Variants in FARP1 observed in about 807,000 individuals in gnomAD.
FARP1 encodes the protein FERM, ARHGEF and pleckstrin domain-containing protein 1.
A neutral mutation model predicts 128.8 loss-of-function variants in FARP1; 52 were observed. The observed-to-expected ratio is 0.40, with a 90% confidence interval of 0.32 to 0.51. The LOEUF (loss-of-function observed/expected upper bound fraction) is 0.51. Ranked by LOEUF, FARP1 falls within the 20% of genes least tolerant of loss-of-function variation. The pLI is 0.45. For synonymous variants in FARP1, 580 were observed against 551.8 expected (o/e 1.05, Z -0.72); for missense variants, 1,333 against 1,367.9 (o/e 0.97, Z 0.40).
At chr13:98,188,432 G>T (rs1451946136) in intron 1 of FARP1, among the ~76,000 whole-genome samples, 1 of 152,070 alleles carries the variant, frequency 6.6e-6, no homozygotes, top group Non-Finnish European at 1.5e-5. Context: ...GTGGTGGTGT[G>T]TGCCTGTAAT....
chr13:98,226,554 A>G (rs8002043), intron 2 of FARP1, among the ~76,000 whole-genome samples: 40,842 of 151,734 alleles, frequency 0.27, 7,293 homozygotes, highest in East Asian at 0.76. Flanking sequence ...ATTTTAACAA[A>G]CCGTTTGAAA....
chr13:98,145,257 A>G (rs1422761237), intron 1 of FARP1, among the ~76,000 whole-genome samples: 2 of 152,124 alleles, frequency 1.3e-5, no homozygotes, highest in Admixed American at 6.6e-5. Flanking sequence ...GGCAGATTCT[A>G]TGGTGCACCA....
intron 1 of FARP1, 29 bp downstream of exon 1, chr13:98,143,521 C>A (rs1379662764): frequency 1.3e-5 from 2 of 149,948 alleles, no homozygotes; most frequent in Non-Finnish European, 3.0e-5. Flanking sequence ...ACAATGACCG[C>A]GGCGGGAGGG....
intron 17 of FARP1, chr13:98,425,469 A>C (rs1371942126): frequency 6.6e-6 from 1 of 152,254 alleles, no homozygotes; most frequent in Non-Finnish European, 1.5e-5. Flanking sequence ...ATCTCGGCTC[A>C]CTGCAGCCTC....
At chr13:98,363,946 T>C (rs1188831586) in intron 3 of FARP1, among the ~76,000 whole-genome samples, 2 of 152,158 alleles carry the variant, frequency 1.3e-5, no homozygotes, top group African/African-American at 4.8e-5. Flanking sequence ...TTCACCACGT[T>C]GGCTAGGCTG....
intron 2 of FARP1, among the ~76,000 whole-genome samples, chr13:98,336,139 A>G (rs547646295): frequency 2.6e-4 from 39 of 152,314 alleles, no homozygotes; most frequent in African/African-American, 8.4e-4. Flanking sequence ...CTATAGAAGG[A>G]ATGGTGTCTT....
chr13:98,168,402 A>C (rs1250500624), intron 1 of FARP1, among the ~76,000 whole-genome samples: 1 of 152,048 alleles, frequency 6.6e-6, no homozygotes, highest in Non-Finnish European at 1.5e-5. Context: ...TGAAACTCTC[A>C]CCTGTTGTCT....
chr13:98,402,061 A>T (rs1890794449), intron 13 of FARP1: 1 of 152,218 alleles, frequency 6.6e-6, no homozygotes. Flanking sequence ...ATTAAAAATC[A>T]ACTTGCCACG....
In FARP1 at chr13:98,444,932, T is replaced by A. The variant is rs1892728284; in HGVS notation, c.2797-1166T>A. Among the ~76,000 whole-genome samples, 4 of 152,214 alleles carry A rather than the reference T, an allele frequency of 2.6e-5. No individual in the cohort carries two copies. The South Asian group carries it at 8.3e-4, about 32-fold the overall frequency. On this transcript the variant is annotated intron_variant, in intron 24 of 26. Transcript: ENST00000319562. ...TTCTGGGAACCTGGAGCCTTGCATT[T>A]TCTTGTTCCTTTCTGCCACTGGGGG...
intron 2 of FARP1, among the ~76,000 whole-genome samples, chr13:98,232,116 C>CTGTAATGATT (rs1426861119): frequency 2.0e-5 from 3 of 148,956 alleles, no homozygotes; most frequent in Non-Finnish European, 4.4e-5. Flanking sequence ...AGGCATGAGC[C>CTGTAATGATT]ACCGTGCCCG....
intron 16 of FARP1, among the ~76,000 whole-genome samples, chr13:98,422,493 C>T (rs1891630595): frequency 6.6e-6 from 1 of 152,156 alleles, no homozygotes; most frequent in African/African-American, 2.4e-5. Context: ...CAGGAAGGAG[C>T]TTGGGGAGCC....
intron 2 of FARP1, among the ~76,000 whole-genome samples, chr13:98,253,424 C>T (rs1245945234): frequency 2.6e-5 from 4 of 152,180 alleles, no homozygotes; most frequent in African/African-American, 9.7e-5. Flanking sequence ...CCCAATCTGG[C>T]TTATCAGTGA....
At chr13:98,343,116 T>C (rs570312373) in intron 2 of FARP1, among the ~76,000 whole-genome samples, 1 of 152,072 alleles carries the variant, frequency 6.6e-6, no homozygotes, top group Non-Finnish European at 1.5e-5. Context: ...ATGAGTCCTG[T>C]ATGAGTCCAG....
chr13:98,264,418 C>T (rs1261177964), intron 2 of FARP1, among the ~76,000 whole-genome samples: 1 of 152,202 alleles, frequency 6.6e-6, no homozygotes, highest in East Asian at 1.9e-4. Flanking sequence ...CTCCTTTTGT[C>T]CAGTGGATCC....
rs1893232343 is a variant in FARP1, at chr13:98,452,208, G to A, written c.*3891G>A. 1 of 152,134 alleles carries A rather than the reference G, an allele frequency of 6.6e-6. No individual in the cohort carries two copies. The highest frequency in any genetic ancestry group is 2.4e-5 in the African/African-American group (1 of 41,416). The allele number at this position is 152,134 out of a possible 1,614,324, so 9.4% of individuals were successfully genotyped here. A position where few individuals can be genotyped will look rare whatever the true frequency, so the allele number is the denominator to read the frequency against. On this transcript the variant is annotated 3_prime_UTR_variant, in exon 27 of 27. Transcript: ENST00000319562. ...TGTAAGCATTCAGACATTTTTAGGT[G>A]GGAAAGATGATATGCAGAATCCACT...
chr13:98,329,416 C>T (rs1887389471), intron 2 of FARP1: 1 of 152,242 alleles, frequency 6.6e-6, no homozygotes, highest in African/African-American at 2.4e-5. Context: ...AATCCCAGCA[C>T]TTTGGGAGGC....
chr13:98,378,588 T>A (rs1190697567), intron 6 of FARP1, among the ~76,000 whole-genome samples: 1 of 152,148 alleles, frequency 6.6e-6, no homozygotes, highest in African/African-American at 2.4e-5. Flanking sequence ...AGGAAAGTTG[T>A]GCTATCATAT....
At chr13:98,345,905 C>T (rs1338919814) in intron 3 of FARP1, among the ~76,000 whole-genome samples, 3 of 152,226 alleles carry the variant, frequency 2.0e-5, no homozygotes, top group Admixed American at 6.5e-5. Context: ...AGTCGGCCAA[C>T]GCATGCTCTA....
At chr13:98,354,322 C>T (rs991550369) in intron 3 of FARP1, among the ~76,000 whole-genome samples, 3 of 152,120 alleles carry the variant, frequency 2.0e-5, no homozygotes, top group Admixed American at 1.3e-4. Flanking sequence ...TTATTAAACA[C>T]AGATTCCCTT....
Sources: allele counts gnomAD v4.1 joint callset (sites outside exome capture counted in the v4.1 genomes callset), GRCh38; gene constraint gnomAD v4.1.1; transcripts MANE v1.5; gene names NCBI Gene and HGNC (gene_info 2026-07-23, HGNC 2026-07-21).